DNAAF8: variants seen among roughly 807,000 people sequenced by gnomAD.
DNAAF8 encodes the protein dynein axonemal assembly factor 8.
DNAAF8 carries 61 observed loss-of-function variants against 54.6 expected under a neutral mutation model. That is an observed-to-expected ratio of 1.12 (90% confidence interval 0.91 to 1.38). The LOEUF is 1.38. Ranked by LOEUF, DNAAF8 falls within the 40% of genes most tolerant of loss-of-function variation. The pLI, the probability that DNAAF8 is intolerant of heterozygous loss-of-function variation, is 0.00. For missense variants in DNAAF8, 837 were observed against 665.0 expected (o/e 1.26, Z -2.85); for synonymous variants, 320 against 270.1 (o/e 1.18, Z -1.81).
chr16:4,746,903 A>C (rs1425337295), intron 7 of DNAAF8, 24 bp from the exon 8 acceptor site: 1 of 1,527,422 alleles, frequency 6.5e-7, no homozygotes. Context: ...GGGCACATCC[A>C]GAAACCCATT....
At position 4,747,391 on chromosome 16, in the gene DNAAF8, G is replaced by T. The variant is rs370127789; in HGVS notation, c.1329G>T (p.Gln443His). ...SQLLQQLRAF[Q>H]KGTAQPELPA... ...TTCTCCAGCAGCTCAGGGCCTTTCAGAAGGGGACAGCCCAGCCCGAGCTGC... is the reference window on the plus strand; with the variant it reads ...TTCTCCAGCAGCTCAGGGCCTTTCATAAGGGGACAGCCCAGCCCGAGCTGC... The change falls in exon 9 of 10, where the codon CAG becomes CAT. Residue 443 changes from glutamine to histidine, a missense_variant. Transcript: ENST00000299320. The T allele has an allele frequency of 3.1e-6, 5 of 1,610,460 alleles. No individual in the cohort carries two copies. The highest frequency in any genetic ancestry group is 4.2e-6 in the Non-Finnish European group (5 of 1,178,192).
At chr16:4,736,986 T>C (rs2081907724) in intron 2 of DNAAF8, among the ~76,000 whole-genome samples, 1 of 152,126 alleles carries the variant, frequency 6.6e-6, no homozygotes, top group Admixed American at 6.6e-5. Context: ...CTCCACTCTC[T>C]CGTGCCAGGA....
intron 3 of DNAAF8, 91 bp downstream of exon 3, chr16:4,738,037 T>G: frequency 1.7e-5 from 24 of 1,418,474 alleles, no homozygotes; most frequent in Non-Finnish European, 2.0e-5. Flanking sequence ...ATTTCCACGA[T>G]ATGCTAGAAC....
chr16:4,736,184 G>C (rs2081896850), intron 1 of DNAAF8, among the ~76,000 whole-genome samples: 1 of 151,768 alleles, frequency 6.6e-6, no homozygotes, highest in African/African-American at 2.4e-5. Context: ...TATCTACATA[G>C]GTATATTTAT....
chr16:4,737,048 C>A (rs2081908524), intron 2 of DNAAF8, among the ~76,000 whole-genome samples: 1 of 152,098 alleles, frequency 6.6e-6, no homozygotes, highest in Non-Finnish European at 1.5e-5. Context: ...TTGTGATAAG[C>A]CTTCGAGGGA....
chr16:4,741,980 A>G (rs950359763), intron 4 of DNAAF8, among the ~76,000 whole-genome samples: 2 of 152,212 alleles, frequency 1.3e-5, no homozygotes, highest in African/African-American at 4.8e-5. Flanking sequence ...TATACACAGA[A>G]GTCATCTTTA....
chr16:4,739,265 G>GTTTTTTTTTTGT (rs2081931860), intron 3 of DNAAF8, among the ~76,000 whole-genome samples: 1 of 69,032 alleles, frequency 1.4e-5, no homozygotes, highest in Non-Finnish European at 2.6e-5. Flanking sequence ...ATTTTTTCTT[G>GTTTTTTTTTTGT]TTTTTTTTTT....
chr16:4,736,185 G>A (rs2081896891), intron 1 of DNAAF8, among the ~76,000 whole-genome samples: 1 of 151,748 alleles, frequency 6.6e-6, no homozygotes, highest in Non-Finnish European at 1.5e-5. Flanking sequence ...ATCTACATAG[G>A]TATATTTATA....
chr16:4,745,434 G>A (rs2082002708), intron 6 of DNAAF8, among the ~76,000 whole-genome samples: 1 of 152,192 alleles, frequency 6.6e-6, no homozygotes, highest in Non-Finnish European at 1.5e-5. Flanking sequence ...GGGTGGAAGG[G>A]CAACAGCCAC....
intron 1 of DNAAF8, among the ~76,000 whole-genome samples, chr16:4,735,981 T>C (rs1286869191): frequency 6.6e-6 from 1 of 152,066 alleles, no homozygotes; most frequent in African/African-American, 2.4e-5. Context: ...AGGTGTCTTC[T>C]GTTCCTTGGT....
intron 6 of DNAAF8, among the ~76,000 whole-genome samples, chr16:4,745,509 G>C (rs2082003672): frequency 6.6e-6 from 1 of 152,216 alleles, no homozygotes; most frequent in African/African-American, 2.4e-5. Context: ...TGGAGGCAGG[G>C]CCCCAGGGTC....
At chr16:4,746,320 GTCACAGAGTTA>G in intron 6 of DNAAF8, 44 bp from the exon 7 acceptor site, 3 of 1,553,010 alleles carry the variant, frequency 1.9e-6, no homozygotes, top group Non-Finnish European at 2.6e-6. Flanking sequence ...CCCAGCGCAG[GTCACAGAGTTA>G]TCACAGAGAA....
intron 6 of DNAAF8, among the ~76,000 whole-genome samples, chr16:4,745,705 C>A (rs1454893754): frequency 6.6e-6 from 1 of 152,196 alleles, no homozygotes; most frequent in Non-Finnish European, 1.5e-5. Context: ...AATCCCGGCA[C>A]TTTGGAAGGC....
At chr16:4,743,381 C>A in intron 5 of DNAAF8, 1 of 450,384 alleles carries the variant, frequency 2.2e-6, no homozygotes, top group Non-Finnish European at 3.9e-6. Flanking sequence ...TGGGCCAGGT[C>A]CTAGGGACAA....
intron 5 of DNAAF8, chr16:4,743,921 T>A (rs1250147323): frequency 8.0e-6 from 1 of 125,714 alleles, no homozygotes; most frequent in Non-Finnish European, 1.7e-5. Flanking sequence ...CAGAATGTAT[T>A]CTTTTTTTTT....
Position 4,744,866 on chromosome 16 carries a change from T to A in DNAAF8, c.902-4T>A. 1 of 1,611,194 alleles carries A rather than the reference T, an allele frequency of 6.2e-7. No homozygotes were observed. ...TAATCAGCCTCTCCTTTGGCCATCC[T>A]CAGACCGCATGGTGCCGAGCGCCCA... On this transcript the variant is annotated splice_region_variant and splice_polypyrimidine_tract_variant and intron_variant, in intron 5 of 9. Transcript: ENST00000299320.
chr16:4,746,580 C>G (rs1284644825), intron 7 of DNAAF8, 68 bp downstream of exon 7: 1 of 1,520,610 alleles, frequency 6.6e-7, no homozygotes, highest in Admixed American at 2.0e-5. Flanking sequence ...CCGCACAGAG[C>G]CTCTGGTGGA....
chr16:4,744,592 G>A (rs188464161), intron 5 of DNAAF8, among the ~76,000 whole-genome samples: 7 of 151,478 alleles, frequency 4.6e-5, no homozygotes, highest in African/African-American at 1.2e-4. Flanking sequence ...GTGGGACCGG[G>A]GTGTGAGGAA....
chr16:4,742,670 AGCTC>A (rs1405174110), intron 4 of DNAAF8, among the ~76,000 whole-genome samples: 1 of 151,984 alleles, frequency 6.6e-6, no homozygotes, highest in Non-Finnish European at 1.5e-5. Flanking sequence ...CAGTGAGCTG[AGCTC>A]GCACCACTAC....
Sources: allele counts gnomAD v4.1 joint callset (sites outside exome capture counted in the v4.1 genomes callset), GRCh38; gene constraint gnomAD v4.1.1; transcripts MANE v1.5; gene names NCBI Gene and HGNC (gene_info 2026-07-23, HGNC 2026-07-21).